The following BMP2K variants were observed in gnomAD, a reference collection of about 807,000 sequenced individuals.
BMP2K encodes BMP-2-inducible protein kinase.
BMP2K carries 74 observed loss-of-function variants against 116.0 expected under a neutral mutation model. The observed-to-expected ratio is 0.64, with a 90% CI of 0.53 to 0.77. The LOEUF (loss-of-function observed/expected upper bound fraction) is 0.77. Among genes scored for constraint, BMP2K ranks in the 30% least tolerant of loss-of-function variants. The pLI, the probability that BMP2K is intolerant of heterozygous loss-of-function variation, is 0.00. For missense variants in BMP2K, 1,365 were observed against 1,403.6 expected, an observed-to-expected ratio of 0.97 and a Z score of 0.44; for synonymous variants, 486 against 502.5, an observed-to-expected ratio of 0.97 and a Z score of 0.44.
At chr4:78,907,687 T>G (rs1023133535) in intron 15 of BMP2K, among the ~76,000 whole-genome samples, 11 of 152,202 alleles carry the variant, frequency 7.2e-5, no homozygotes, top group Non-Finnish European at 1.6e-4. Flanking sequence ...ATGAGCATAC[T>G]CCAGGTGAGT....
At chr4:78,801,390 T>A (rs981349339) in intron 1 of BMP2K, among the ~76,000 whole-genome samples, 5 of 149,990 alleles carry the variant, frequency 3.3e-5, no homozygotes, top group Non-Finnish European at 6.0e-5. Context: ...GTGTCATAAG[T>A]AACAGAGAAA....
At chr4:78,821,469 T>TG (rs1194941277) in intron 1 of BMP2K, among the ~76,000 whole-genome samples, 1 of 152,104 alleles carries the variant, frequency 6.6e-6, no homozygotes, top group African/African-American at 2.4e-5. Context: ...TGAGTTGAGG[T>TG]GGGGGGCTTC....
chr4:78,899,067 C>T (rs1041996811), intron 15 of BMP2K: 1 of 152,216 alleles, frequency 6.6e-6, no homozygotes, highest in Non-Finnish European at 1.5e-5. Context: ...TAGAGCAGGT[C>T]AAAACTCCGG....
intron 1 of BMP2K, among the ~76,000 whole-genome samples, chr4:78,795,167 C>T (rs190197315): frequency 3.3e-5 from 5 of 152,196 alleles, no homozygotes; most frequent in South Asian, 2.1e-4. Context: ...TCACATTTAT[C>T]GCAGTGTGCC....
At chr4:78,885,951 G>A (rs941083183) in intron 14 of BMP2K, among the ~76,000 whole-genome samples, 1 of 152,128 alleles carries the variant, frequency 6.6e-6, no homozygotes. Context: ...ATTTTTAGTA[G>A]TATTTTTGCA....
intron 1 of BMP2K, among the ~76,000 whole-genome samples, chr4:78,810,053 TTCTGTGAAG>T (rs1408580855): frequency 6.6e-6 from 1 of 152,238 alleles, no homozygotes; most frequent in Non-Finnish European, 1.5e-5. Flanking sequence ...CCTGTACTAA[TTCTGTGAAG>T]TCTGATCCCC....
intron 10 of BMP2K, among the ~76,000 whole-genome samples, chr4:78,867,347 G>A (rs1320851375): frequency 1.3e-5 from 2 of 152,106 alleles, no homozygotes; most frequent in Non-Finnish European, 2.9e-5. Flanking sequence ...ACATGATTTT[G>A]GAGTGGTCTT....
rs546756436 is a variant in BMP2K at position 78,881,862 on chromosome 4, GAATA to G, written c.1951+2978_1951+2981del. Among the ~76,000 whole-genome samples the G allele has an allele frequency of 5.3e-5, 8 of 152,056 alleles. No homozygotes were observed. The South Asian group carries it at 6.2e-4, about 12-fold the overall frequency. ...TATAAATCCTATCATTTTACAAAAT[GAATA>G]AATAAACTGTTGATTCAGTTGAAAT... On this transcript the variant is annotated intron_variant, in intron 14 of 15. Coordinates refer to ENST00000502613, the MANE Select transcript of BMP2K (RefSeq NM_198892.2).
intron 5 of BMP2K, among the ~76,000 whole-genome samples, chr4:78,845,445 G>A (rs768026303): frequency 5.9e-5 from 9 of 151,572 alleles, no homozygotes; most frequent in Non-Finnish European, 1.2e-4. Flanking sequence ...AATATTAAAA[G>A]GATTGACTTT....
At chr4:78,797,188 A>G (rs1014873536) in intron 1 of BMP2K, among the ~76,000 whole-genome samples, 1 of 152,182 alleles carries the variant, frequency 6.6e-6, no homozygotes, top group Non-Finnish European at 1.5e-5. Context: ...TAAACTGCTT[A>G]CATTTAGTAC....
At chr4:78,864,694 C>T (rs1731959898) in intron 9 of BMP2K, among the ~76,000 whole-genome samples, 1 of 151,942 alleles carries the variant, frequency 6.6e-6, no homozygotes, top group South Asian at 2.1e-4. Context: ...CTTCATAAAT[C>T]ATATGTATGT....
chr4:78,893,450 G>A (rs1733545642), intron 15 of BMP2K, among the ~76,000 whole-genome samples: 1 of 152,196 alleles, frequency 6.6e-6, no homozygotes, highest in African/African-American at 2.4e-5. Flanking sequence ...AATCACGAAT[G>A]ATTTTAATGA....
chr4:78,785,310 C>T (rs1010072602), intron 1 of BMP2K, among the ~76,000 whole-genome samples: 15 of 151,994 alleles, frequency 9.9e-5, no homozygotes, highest in African/African-American at 1.7e-4. Flanking sequence ...AGGGCTTCAC[C>T]GTGTTGGCCA....
Position 78,870,840 on chromosome 4 carries a change from A to T in BMP2K, c.1289A>T (p.Gln430Leu). Reference protein sequence around the residue: ...EILLGQGPPQQPPQQHRVLQQ... With the variant: ...EILLGQGPPQLPPQQHRVLQQ... ...TTATTGGGTCAGGGACCTCCTCAGC[A>T]GCCGCCACAGCAGCATAGAGTACTC... Residue 430 changes from glutamine to leucine, a missense_variant, in exon 11 of 16, where the codon CAG becomes CTG. This residue lies in a region of BMP2K where 762 missense variants were observed against 756.7 expected (regional missense o/e 1.01). Transcript: ENST00000502613. The T allele has an allele frequency of 6.2e-7, 1 of 1,614,106 alleles. No homozygotes were observed. Among genetic ancestry groups the T allele is most frequent in the Non-Finnish European group, 8.5e-7 (1 of 1,180,012 alleles).
chr4:78,818,189 G>A (rs1466921387), intron 1 of BMP2K, among the ~76,000 whole-genome samples: 1 of 152,090 alleles, frequency 6.6e-6, no homozygotes, highest in Non-Finnish European at 1.5e-5. Flanking sequence ...TTGTTACATA[G>A]GTATACATGT....
intron 1 of BMP2K, among the ~76,000 whole-genome samples, chr4:78,812,451 A>G (rs1262853698): frequency 6.6e-6 from 1 of 152,122 alleles, no homozygotes; most frequent in Non-Finnish European, 1.5e-5. Context: ...CACATCTCCT[A>G]TTGGATGTCC....
At position 78,915,580 on chromosome 4, in the gene BMP2K, GTTTA is replaced by G. The variant is rs750485225; in HGVS notation, c.*3551_*3554del. ...GTGAGAATACCATAAATGATGAATA[GTTTA>G]TTTGAGAACTTTTATACTCAGTGGT... On this transcript the variant is annotated 3_prime_UTR_variant, in exon 16 of 16. Coordinates refer to ENST00000502613, the MANE Select transcript of BMP2K (RefSeq NM_198892.2). The G allele has an allele frequency of 1.6e-4, 25 of 151,894 alleles. No individual in the cohort carries two copies. The highest frequency in any genetic ancestry group is 3.9e-4 in the East Asian group (2 of 5,178). The allele number at this position is 151,894 out of a possible 1,614,324, so 9.4% of individuals were successfully genotyped here. A position where few individuals can be genotyped will look rare whatever the true frequency, so the allele number is the denominator to read the frequency against.
At chr4:78,824,125 G>T (rs1342712496) in intron 1 of BMP2K, among the ~76,000 whole-genome samples, 1 of 152,134 alleles carries the variant, frequency 6.6e-6, no homozygotes, top group Non-Finnish European at 1.5e-5. Flanking sequence ...TGCCTTGTGG[G>T]GTGGTTGATT....
intron 14 of BMP2K, among the ~76,000 whole-genome samples, chr4:78,882,619 A>G (rs1458112714): frequency 1.3e-5 from 2 of 151,940 alleles, no homozygotes; most frequent in African/African-American, 2.4e-5. Context: ...CTTTGGGGAA[A>G]TTATTAACAT....
Sources: allele counts gnomAD v4.1 joint callset (sites outside exome capture counted in the v4.1 genomes callset), GRCh38; gene constraint gnomAD v4.1.1; regional missense constraint gnomAD v4.1.1; transcripts MANE v1.5; gene names NCBI Gene and HGNC (gene_info 2026-07-23, HGNC 2026-07-21).